Variants in ERC1 observed in about 807,000 individuals in gnomAD.
ERC1 encodes the protein ELKS/RAB6-interacting/CAST family member 1, also known as RAB6 interacting protein 2.
Under a neutral mutation model 132.0 loss-of-function variants are expected in ERC1, and 56 were observed. That is an observed-to-expected ratio of 0.42 (90% CI 0.34 to 0.53). ERC1 has a LOEUF of 0.53. Among genes scored for constraint, ERC1 ranks in the 20% least tolerant of loss-of-function variants. The probability of loss-of-function intolerance (pLI) is 0.03; values close to 1 mark genes in which losing one functional copy is unlikely to be tolerated. For missense variants in ERC1, 1,202 were observed against 1,349.9 expected, an observed-to-expected ratio of 0.89 and a Z score of 1.72; for synonymous variants, 478 against 476.1, an observed-to-expected ratio of 1.00 and a Z score of -0.05.
intron 1 of ERC1, among the ~76,000 whole-genome samples, chr12:1,025,227 T>TAGTTTGAGTGTAAAGCTTTC (rs1966844837): frequency 6.6e-6 from 1 of 152,234 alleles, no homozygotes; most frequent in Admixed American, 6.5e-5. Context: ...TGCTTTATGG[T>TAGTTTGAGTGTAAAGCTTTC]AGTTTGAGTG....
intron 18 of ERC1, among the ~76,000 whole-genome samples, chr12:1,483,848 A>G (rs966481568): frequency 6.6e-6 from 1 of 151,462 alleles, no homozygotes; most frequent in African/African-American, 2.4e-5. Flanking sequence ...TCACCACCAC[A>G]TGTGACCGAT....
At position 1,385,032 on chromosome 12, in the gene ERC1, G is replaced by A. The variant is rs189455002; in HGVS notation, c.2925+13055G>A. Among the ~76,000 whole-genome samples the A allele has an allele frequency of 7.9e-5, 12 of 152,184 alleles. No homozygotes were observed. The East Asian group carries it at 1.9e-3, about 24-fold the overall frequency. On this transcript the variant is annotated intron_variant, in intron 16 of 18. Transcript: ENST00000360905. The stretch of plus-strand genomic sequence containing the variant: ...GTTTAAATCTACATATGCACTTTAC[G>A]AGTACACCCAAAGTGCACACCTGGA...
chr12:1,333,152 T>G (rs1182208330), intron 15 of ERC1, among the ~76,000 whole-genome samples: 1 of 151,752 alleles, frequency 6.6e-6, no homozygotes, highest in African/African-American at 2.4e-5. Flanking sequence ...CCTCTATGTG[T>G]CCGCGTGTTC....
At chr12:1,047,368 A>G (rs1592930193) in intron 2 of ERC1, among the ~76,000 whole-genome samples, 1 of 152,072 alleles carries the variant, frequency 6.6e-6, no homozygotes, top group South Asian at 2.1e-4. Context: ...GGCTTTTTTA[A>G]TGTCTATATA....
chr12:1,269,341 T>A (rs1427903339), intron 14 of ERC1, among the ~76,000 whole-genome samples: 1 of 152,224 alleles, frequency 6.6e-6, no homozygotes, highest in Non-Finnish European at 1.5e-5. Flanking sequence ...AAAGCGGCTT[T>A]GTCCTGGGCC....
chr12:1,121,372 A>C (rs1447669518), intron 7 of ERC1, among the ~76,000 whole-genome samples: 1 of 152,200 alleles, frequency 6.6e-6, no homozygotes, highest in African/African-American at 2.4e-5. Context: ...ATAGACGACC[A>C]TGACTCTTGT....
At chr12:1,296,465 G>A (rs1203988636) in intron 15 of ERC1, among the ~76,000 whole-genome samples, 1 of 131,716 alleles carries the variant, frequency 7.6e-6, no homozygotes, top group Non-Finnish European at 1.5e-5. Flanking sequence ...CCAGGCTGGA[G>A]TGCAGTGGCG....
chr12:1,136,177 C>T (rs796433598), intron 7 of ERC1, among the ~76,000 whole-genome samples: 2 of 152,190 alleles, frequency 1.3e-5, no homozygotes, highest in Non-Finnish European at 2.9e-5. Context: ...TGATGCTTTC[C>T]GTGGCTAAGG....
At chr12:1,475,813 G>A (rs566365971) in intron 18 of ERC1, among the ~76,000 whole-genome samples, 1 of 152,248 alleles carries the variant, frequency 6.6e-6, no homozygotes, top group African/African-American at 2.4e-5. Context: ...GCTTGAATTA[G>A]GATTGTTAAC....
At position 1,329,226 on chromosome 12, in the gene ERC1, G is replaced by A. The variant is rs1045341583; in HGVS notation, c.2780+39214G>A. Among the ~76,000 whole-genome samples, 14 of 145,450 alleles carry A rather than the reference G, an allele frequency of 9.6e-5. 2 individuals are homozygous for A. The highest frequency in any genetic ancestry group is 4.5e-4 in the South Asian group (2 of 4,452). On this transcript the variant is annotated intron_variant, in intron 15 of 18. Coordinates refer to ENST00000360905, the MANE Select transcript of ERC1 (RefSeq NM_178040.4). ...GGAGAATCACTTGAACCCCAGAGGC[G>A]GAGGTTGGAGTGAGCCAAGATCACG...
At position 1,495,386 on chromosome 12, in the gene ERC1, AG is replaced by A. The variant is rs1300501137; in HGVS notation, c.*5157del. 4.4e-6 allele frequency: 1 copy of A among 227,974 alleles called. No individual in the cohort carries two copies. Among genetic ancestry groups the A allele is most frequent in the Admixed American group, 5.7e-5 (1 of 17,582 alleles). The allele number at this position is 227,974 out of a possible 1,614,324, so 14.1% of individuals were successfully genotyped here. A position where few individuals can be genotyped will look rare whatever the true frequency, so the allele number is the denominator to read the frequency against. On this transcript the variant is annotated 3_prime_UTR_variant, in exon 19 of 19. Transcript: ENST00000360905. ...GGCCCAGGCTCTCTCTTGACCCCAG[AG>A]AAGCCACTGTCAGGAAAGGAAGTGA...
chr12:1,372,755 CGTT>C (rs2087394320), intron 16 of ERC1, among the ~76,000 whole-genome samples: 2 of 152,224 alleles, frequency 1.3e-5, no homozygotes, highest in Non-Finnish European at 2.9e-5. Context: ...TTCCCAGTCA[CGTT>C]GTCTGTACAT....
chr12:1,039,355 A>AAAATAAAT (rs1555211059), intron 2 of ERC1, among the ~76,000 whole-genome samples: 8 of 147,352 alleles, frequency 5.4e-5, no homozygotes, highest in African/African-American at 1.5e-4. Flanking sequence ...AAAAAAAATA[A>AAAATAAAT]AAATAAATAA....
At chr12:1,262,244 C>T (rs911454166) in intron 13 of ERC1, among the ~76,000 whole-genome samples, 2 of 152,226 alleles carry the variant, frequency 1.3e-5, no homozygotes, top group Non-Finnish European at 2.9e-5. Flanking sequence ...AGTTCTCCAT[C>T]CCACTTGAAC....
intron 1 of ERC1, among the ~76,000 whole-genome samples, chr12:1,003,519 T>G (rs928259252): frequency 3.0e-4 from 46 of 152,386 alleles, no homozygotes; most frequent in African/African-American, 1.0e-3. Flanking sequence ...GAATAATTAC[T>G]GTTTTCTGTT....
intron 2 of ERC1, among the ~76,000 whole-genome samples, chr12:1,040,669 G>A (rs955128975): frequency 2.6e-5 from 4 of 151,994 alleles, no homozygotes; most frequent in Non-Finnish European, 4.4e-5. Context: ...CTTTTCCTTT[G>A]ATTTTTCCAT....
At chr12:1,408,003 A>G (rs1347259596) in intron 16 of ERC1, 146 bp from the exon 17 acceptor site, 5 of 596,248 alleles carry the variant, frequency 8.4e-6, no homozygotes, top group Admixed American at 5.7e-5. Context: ...TCTTTCCAGT[A>G]TCCTCAGAAA....
intron 12 of ERC1, among the ~76,000 whole-genome samples, chr12:1,223,010 CAGT>C (rs1332119434): frequency 1.3e-5 from 2 of 152,104 alleles, no homozygotes; most frequent in African/African-American, 4.8e-5. Flanking sequence ...GTGGATTTGT[CAGT>C]AGGGTATGAT....
chr12:1,331,127 C>T (rs2082831366), intron 15 of ERC1, among the ~76,000 whole-genome samples: 1 of 152,184 alleles, frequency 6.6e-6, no homozygotes, highest in African/African-American at 2.4e-5. Flanking sequence ...ACAGAATATT[C>T]CCAATACTCC....
Sources: allele counts gnomAD v4.1 joint callset (sites outside exome capture counted in the v4.1 genomes callset), GRCh38; gene constraint gnomAD v4.1.1; transcripts MANE v1.5; gene names NCBI Gene and HGNC (gene_info 2026-07-23, HGNC 2026-07-21).